PTPRK: variants seen among roughly 807,000 people sequenced by gnomAD.
PTPRK encodes the protein protein tyrosine phosphatase receptor type K.
PTPRK carries 75 observed loss-of-function variants against 178.0 expected under a neutral mutation model. The ratio of observed to expected loss-of-function variants is 0.42; its 90% CI spans 0.35 to 0.51. The LOEUF is 0.51. Ranked by LOEUF, PTPRK falls within the 20% of genes least tolerant of loss-of-function variation. The pLI is 0.02. For missense variants in PTPRK, 1,441 were observed against 1,797.8 expected (o/e 0.80, Z 3.59); for synonymous variants, 637 against 620.6 (o/e 1.03, Z -0.39).
chr6:128,385,511 A>T (rs1246704001), intron 2 of PTPRK, among the ~76,000 whole-genome samples: 1 of 152,222 alleles, frequency 6.6e-6, no homozygotes, highest in Admixed American at 6.5e-5. Context: ...AGAACATGGC[A>T]AGCTGTTAAT....
chr6:128,104,314 C>A (rs1362436538), intron 7 of PTPRK, among the ~76,000 whole-genome samples: 1 of 152,174 alleles, frequency 6.6e-6, no homozygotes, highest in Non-Finnish European at 1.5e-5. Flanking sequence ...GCAAGCTCCA[C>A]CTCCCAGGTT....
chr6:127,982,086 C>T (rs1583496943), intron 24 of PTPRK, among the ~76,000 whole-genome samples: 2 of 152,228 alleles, frequency 1.3e-5, no homozygotes, highest in African/African-American at 4.8e-5. Flanking sequence ...GATCTGCCTG[C>T]CTTGGCATCC....
chr6:128,258,491 T>C (rs1024758612), intron 3 of PTPRK, among the ~76,000 whole-genome samples: 3 of 152,180 alleles, frequency 2.0e-5, no homozygotes, highest in Non-Finnish European at 4.4e-5. Context: ...AAATACTGAA[T>C]AAAAATGTTA....
At chr6:128,384,123 T>A (rs984956682) in intron 2 of PTPRK, among the ~76,000 whole-genome samples, 1 of 152,176 alleles carries the variant, frequency 6.6e-6, no homozygotes, top group African/African-American at 2.4e-5. Flanking sequence ...AACAATTACA[T>A]CAAAAATACA....
rs192313231 is a variant in PTPRK at position 128,194,792 on chromosome 6, A to G, written c.869-10067T>C. 3.2e-3 allele frequency among the ~76,000 whole-genome samples: 480 copies of G among 152,318 alleles called. 1 individual carries two copies. The highest frequency in any genetic ancestry group is 0.011 in the African/African-American group (469 of 41,564). On this transcript the variant is annotated intron_variant, in intron 6 of 29. Transcript: ENST00000368226. ...GAACTGTGTTTGTCAATGGCAATAT[A>G]TGTCCCAGTTACTTGTTGAATATGC...
At chr6:128,351,266 A>G (rs117207141) in intron 2 of PTPRK, among the ~76,000 whole-genome samples, 2,079 of 152,336 alleles carry the variant, frequency 0.014, 17 homozygotes, top group South Asian at 0.027. Context: ...GTAAATCCAC[A>G]TCAACAGTAT....
chr6:128,283,169 T>C (rs1821949734), intron 3 of PTPRK, among the ~76,000 whole-genome samples: 1 of 152,156 alleles, frequency 6.6e-6, no homozygotes, highest in Non-Finnish European at 1.5e-5. Context: ...GCTCACTCCT[T>C]TCCTGCCCTG....
intron 6 of PTPRK, among the ~76,000 whole-genome samples, chr6:128,199,463 T>C (rs1319135451): frequency 2.0e-5 from 3 of 151,980 alleles, no homozygotes; most frequent in Admixed American, 1.3e-4. Context: ...TAGAATGGAA[T>C]GAGGTAGCAC....
intron 13 of PTPRK, among the ~76,000 whole-genome samples, chr6:128,056,623 G>A (rs4345415): frequency 0.86 from 130,417 of 151,870 alleles, 56,187 homozygotes; most frequent in East Asian, 1. Flanking sequence ...ATGGGGTTTC[G>A]CTATGTTGGC....
At chr6:128,510,072 TTATGA>T (rs1856943873) in intron 1 of PTPRK, among the ~76,000 whole-genome samples, 1 of 152,144 alleles carries the variant, frequency 6.6e-6, no homozygotes, top group East Asian at 1.9e-4. Flanking sequence ...CATAAGTTAT[TTATGA>T]TAATAGACAA....
chr6:128,432,361 T>C (rs1414661966), intron 1 of PTPRK, among the ~76,000 whole-genome samples: 1 of 152,202 alleles, frequency 6.6e-6, no homozygotes. Context: ...CCTTTGCAAA[T>C]GCAATAGTGT....
intron 7 of PTPRK, among the ~76,000 whole-genome samples, chr6:128,153,940 G>A (rs1214887246): frequency 2.0e-5 from 3 of 151,534 alleles, no homozygotes; most frequent in African/African-American, 4.8e-5. Flanking sequence ...CACTCTCCAT[G>A]GTCCCAAGAA....
chr6:127,992,712 A>G lies in PTPRK; in HGVS notation c.2845-3T>C, dbSNP rs1253316864. 6.3e-6 allele frequency: 10 copies of G among 1,578,636 alleles called. No individual in the cohort carries two copies. The highest frequency in any genetic ancestry group is 7.7e-6 in the Non-Finnish European group (9 of 1,163,734). Reference sequence around the variant, plus strand: ...TAATGACTTGGTCTCTGGTAGCCCTAAAATAAGAGAACAAATTAGTTATCA... The same window carrying G: ...TAATGACTTGGTCTCTGGTAGCCCTGAAATAAGAGAACAAATTAGTTATCA... On this transcript the variant is annotated splice_polypyrimidine_tract_variant and splice_region_variant and intron_variant, in intron 18 of 29. Coordinates refer to ENST00000368226, the MANE Select transcript of PTPRK (RefSeq NM_002844.4).
At chr6:128,068,718 G>A (rs1353749143) in intron 11 of PTPRK, among the ~76,000 whole-genome samples, 1 of 150,874 alleles carries the variant, frequency 6.6e-6, no homozygotes, top group East Asian at 1.9e-4. Context: ...TACCATGAAA[G>A]TTGACATTAT....
At chr6:128,239,802 C>T (rs896056930) in intron 5 of PTPRK, among the ~76,000 whole-genome samples, 2 of 152,162 alleles carry the variant, frequency 1.3e-5, no homozygotes, top group African/African-American at 4.8e-5. Context: ...AATTGTGTTT[C>T]ACCAGATCCT....
At chr6:128,053,499 C>A (rs138015026) in intron 13 of PTPRK, among the ~76,000 whole-genome samples, 1 of 152,078 alleles carries the variant, frequency 6.6e-6, no homozygotes, top group African/African-American at 2.4e-5. Flanking sequence ...CCATGCTATG[C>A]GTCCCTGACA....
At chr6:128,197,144 G>C (rs1038202446) in intron 6 of PTPRK, among the ~76,000 whole-genome samples, 5 of 151,244 alleles carry the variant, frequency 3.3e-5, no homozygotes, top group Non-Finnish European at 7.4e-5. Flanking sequence ...TCCTGCTCCA[G>C]CGCCATACAA....
At chr6:128,177,508 TAC>T (rs1398991873) in intron 7 of PTPRK, among the ~76,000 whole-genome samples, 1 of 151,808 alleles carries the variant, frequency 6.6e-6, no homozygotes, top group East Asian at 1.9e-4. Context: ...AATAAATAAA[TAC>T]AGTGTCATTA....
chr6:128,078,689 T>C (rs759720412), intron 11 of PTPRK, 124 bp downstream of exon 11: 47 of 514,500 alleles, frequency 9.1e-5, no homozygotes, highest in Non-Finnish European at 1.5e-4. Context: ...TTTGCATATA[T>C]AGAAAAAAAC....
Sources: gnomAD v4.1 joint callset for allele counts (sites outside exome capture counted in the v4.1 genomes callset) on GRCh38, gnomAD v4.1.1 for gene constraint, MANE v1.5 for transcripts, NCBI Gene and HGNC (gene_info 2026-07-23, HGNC 2026-07-21) for gene names.